COL25A1: variants seen among roughly 807,000 people sequenced by gnomAD.
COL25A1 encodes collagen alpha-1(XXV) chain.
In COL25A1, 103 loss-of-function variants were observed where a neutral mutation model predicts 128.4. That is an observed-to-expected ratio of 0.80 (90% CI 0.68 to 0.94). COL25A1 has a LOEUF of 0.94. Ranked by LOEUF, COL25A1 falls within the 40% of genes least tolerant of loss-of-function variation. The probability of loss-of-function intolerance (pLI) is 0.00; values close to 1 mark genes in which losing one functional copy is unlikely to be tolerated. For missense variants in COL25A1, 745 were observed against 840.0 expected, an observed-to-expected ratio of 0.89 and a Z score of 1.40; for synonymous variants, 279 against 277.2, an observed-to-expected ratio of 1.01 and a Z score of -0.06.
At chr4:109,153,163 A>C (rs1357890106) in intron 3 of COL25A1, among the ~76,000 whole-genome samples, 1 of 152,076 alleles carries the variant, frequency 6.6e-6, no homozygotes, top group Non-Finnish European at 1.5e-5. Context: ...AGGTGGGTGG[A>C]TCTCCTGAGG....
In COL25A1 at chr4:108,838,881, C is replaced by G. The variant is rs562661392; in HGVS notation, c.1656+2814G>C. Among the ~76,000 whole-genome samples, 4 of 152,232 alleles carry G rather than the reference C, an allele frequency of 2.6e-5. No individual in the cohort carries two copies. The East Asian group carries it at 7.7e-4, about 29-fold the overall frequency. On this transcript the variant is annotated intron_variant, in intron 31 of 37. Coordinates refer to ENST00000399132, the MANE Select transcript of COL25A1 (RefSeq NM_198721.4). ...GCCACGGTAAATGATAAATTCTTGA[C>G]TCCATTTTTAAAAACCAAGGAATAC... is the stretch of plus-strand genomic sequence containing the variant.
chr4:109,097,126 A>T (rs984897613), intron 3 of COL25A1, among the ~76,000 whole-genome samples: 2 of 152,184 alleles, frequency 1.3e-5, no homozygotes, highest in Non-Finnish European at 2.9e-5. Flanking sequence ...TGTTTGCAGG[A>T]AAAACTGGCC....
intron 5 of COL25A1, among the ~76,000 whole-genome samples, chr4:109,027,856 G>A (rs1758455110): frequency 6.6e-6 from 1 of 152,154 alleles, no homozygotes; most frequent in South Asian, 2.1e-4. Flanking sequence ...GCTTTGGAGA[G>A]TAAGGGTGGA....
chr4:108,825,810 G>T (rs146623396), intron 33 of COL25A1, among the ~76,000 whole-genome samples: 3 of 152,174 alleles, frequency 2.0e-5, no homozygotes, highest in Non-Finnish European at 4.4e-5. Context: ...GGATGTGAAG[G>T]CTGCAACTTA....
intron 19 of COL25A1, among the ~76,000 whole-genome samples, chr4:108,881,513 T>A (rs1740118945): frequency 6.6e-6 from 1 of 152,212 alleles, no homozygotes; most frequent in African/African-American, 2.4e-5. Flanking sequence ...AGGAAGATTA[T>A]GAGTAATGCG....
At chr4:109,194,473 G>A (rs769225431) in intron 3 of COL25A1, among the ~76,000 whole-genome samples, 19 of 152,106 alleles carry the variant, frequency 1.2e-4, no homozygotes, top group Admixed American at 9.2e-4. Context: ...CTTCCATGCC[G>A]AGAACTATTC....
intron 5 of COL25A1, among the ~76,000 whole-genome samples, chr4:109,046,270 CTT>C (rs772114824): frequency 2.0e-4 from 31 of 152,250 alleles, no homozygotes; most frequent in Middle Eastern, 3.4e-3. Flanking sequence ...CTAATTCTCT[CTT>C]ATTTCTATGT....
At chr4:109,262,896 G>A (rs1031729120) in intron 3 of COL25A1, among the ~76,000 whole-genome samples, 1 of 152,108 alleles carries the variant, frequency 6.6e-6, no homozygotes, top group African/African-American at 2.4e-5. Flanking sequence ...TTGGGAGGCC[G>A]AGGTGGGTGG....
intron 3 of COL25A1, among the ~76,000 whole-genome samples, chr4:109,184,122 G>C (rs1319375002): frequency 6.6e-6 from 1 of 152,132 alleles, no homozygotes; most frequent in Non-Finnish European, 1.5e-5. Flanking sequence ...CCATGACTGA[G>C]CAAGGATATG....
chr4:108,858,575 C>A (rs1259017597), intron 24 of COL25A1, among the ~76,000 whole-genome samples: 2 of 151,990 alleles, frequency 1.3e-5, no homozygotes, highest in Admixed American at 1.3e-4. Flanking sequence ...GAAAGGTAAC[C>A]AGTATAATTG....
chr4:108,873,135 C>A lies in COL25A1; in HGVS notation c.1021-3985G>T, dbSNP rs537378520. Among the ~76,000 whole-genome samples, 4 of 152,250 alleles carry A rather than the reference C, an allele frequency of 2.6e-5. No individual in the cohort carries two copies. The South Asian group carries it at 8.3e-4, about 32-fold the overall frequency. On this transcript the variant is annotated intron_variant, in intron 19 of 37. Transcript: ENST00000399132. ...CTCGAACTCCTGGCCTCAAGCAATCCTCCTGCCTTTGCCTCCCAAAGCACT... is the reference window on the plus strand; with the variant it reads ...CTCGAACTCCTGGCCTCAAGCAATCATCCTGCCTTTGCCTCCCAAAGCACT...
In COL25A1 at chr4:109,277,047, T is replaced by A. The variant is rs553283297; in HGVS notation, c.367+23536A>T. Among the ~76,000 whole-genome samples, 3 of 152,326 alleles carry A rather than the reference T, an allele frequency of 2.0e-5. No individual in the cohort carries two copies. The East Asian group carries it at 5.8e-4, about 29-fold the overall frequency. ...ATTCATTGCTCCCGCCTGGAACTGC[T>A]CTAGTTTGTAACCACTTCTTTCTAA... On this transcript the variant is annotated intron_variant, in intron 3 of 37. Coordinates refer to ENST00000399132, the MANE Select transcript of COL25A1 (RefSeq NM_198721.4).
intron 26 of COL25A1, among the ~76,000 whole-genome samples, chr4:108,850,405 C>G (rs1735627376): frequency 6.6e-6 from 1 of 151,868 alleles, no homozygotes; most frequent in Non-Finnish European, 1.5e-5. Context: ...CAAGGACAGA[C>G]CATGAAAAAC....
At chr4:108,869,252 T>C in intron 19 of COL25A1, 102 bp from the exon 20 acceptor site, 2 of 670,584 alleles carry the variant, frequency 3.0e-6, no homozygotes, top group Non-Finnish European at 2.4e-6. Context: ...TCTACTGAGA[T>C]TTTACTTCCC....
chr4:108,830,533 T>C (rs1205287870), intron 32 of COL25A1, among the ~76,000 whole-genome samples: 1 of 152,250 alleles, frequency 6.6e-6, no homozygotes, highest in Non-Finnish European at 1.5e-5. Context: ...CACTCCAGTT[T>C]AGCACTTCCA....
chr4:109,165,442 A>G (rs1772981096), intron 3 of COL25A1, among the ~76,000 whole-genome samples: 1 of 152,234 alleles, frequency 6.6e-6, no homozygotes, highest in African/African-American at 2.4e-5. Flanking sequence ...AGGGCCAGCC[A>G]TGGTGGCTCA....
intron 12 of COL25A1, among the ~76,000 whole-genome samples, chr4:108,918,495 C>A (rs1194977653): frequency 6.6e-6 from 1 of 152,136 alleles, no homozygotes; most frequent in Admixed American, 6.5e-5. Flanking sequence ...ATCAGAGGGC[C>A]ACATGGCTCT....
Position 108,810,768 on chromosome 4 carries a change from T to G in COL25A1, c.*3159A>C, listed in dbSNP as rs1224900061. ...ATTGGTACACTGTTTTGTTTTACAT[T>G]AAGAAAGCCTGGTCATTGGACCATA... On this transcript the variant is annotated 3_prime_UTR_variant, in exon 38 of 38. Coordinates refer to ENST00000399132, the MANE Select transcript of COL25A1 (RefSeq NM_198721.4). 1 of 152,136 alleles carries G rather than the reference T, an allele frequency of 6.6e-6. No homozygotes were observed. Among genetic ancestry groups the G allele is most frequent in the East Asian group, 1.9e-4 (1 of 5,180 alleles). The allele number at this position is 152,136 out of a possible 1,614,324, so 9.4% of individuals were successfully genotyped here. A position where few individuals can be genotyped will look rare whatever the true frequency, so the allele number is the denominator to read the frequency against.
intron 3 of COL25A1, among the ~76,000 whole-genome samples, chr4:109,280,867 G>A (rs1178551576): frequency 2.0e-5 from 3 of 151,838 alleles, no homozygotes; most frequent in East Asian, 1.9e-4. Flanking sequence ...GGCTGGTCTC[G>A]AACTCCTGAC....
Sources: gnomAD v4.1 joint callset for allele counts (sites outside exome capture counted in the v4.1 genomes callset) on GRCh38, gnomAD v4.1.1 for gene constraint, MANE v1.5 for transcripts, NCBI Gene and HGNC (gene_info 2026-07-23, HGNC 2026-07-21) for gene names.